GNAQ: variants seen among roughly 807,000 people sequenced by gnomAD.
GNAQ encodes guanine nucleotide-binding protein G(q) subunit alpha.
A neutral mutation model predicts 43.9 loss-of-function variants in GNAQ; 8 were observed. The ratio of observed to expected loss-of-function variants is 0.18; its 90% CI spans 0.11 to 0.33. The LOEUF (loss-of-function observed/expected upper bound fraction) is 0.33, where lower values mean the gene tolerates loss of function less well. Among genes scored for constraint, GNAQ ranks in the 10% least tolerant of loss-of-function variants. The pLI is 1.00. For missense variants in GNAQ, 158 were observed against 450.8 expected, an observed-to-expected ratio of 0.35 and a Z score of 5.88; for synonymous variants, 155 against 170.7, an observed-to-expected ratio of 0.91 and a Z score of 0.71.
chr9:77,739,720 T>C (rs1406975444), intron 5 of GNAQ, among the ~76,000 whole-genome samples: 1 of 152,094 alleles, frequency 6.6e-6, no homozygotes, highest in East Asian at 1.9e-4. Flanking sequence ...TGTAGGAGAG[T>C]TGTTCGCAGG....
intron 2 of GNAQ, among the ~76,000 whole-genome samples, chr9:77,882,246 G>C (rs1828224795): frequency 6.6e-6 from 1 of 152,158 alleles, no homozygotes; most frequent in Non-Finnish European, 1.5e-5. Flanking sequence ...TATATGAGTT[G>C]ATTTGAGGTT....
intron 1 of GNAQ, among the ~76,000 whole-genome samples, chr9:78,011,476 A>G (rs944954596): frequency 6.6e-6 from 1 of 152,260 alleles, no homozygotes; most frequent in African/African-American, 2.4e-5. Context: ...TCTAGAAAAC[A>G]GAAGAAAAAA....
chr9:77,860,171 C>A (rs1204040883), intron 2 of GNAQ, among the ~76,000 whole-genome samples: 1 of 152,164 alleles, frequency 6.6e-6, no homozygotes, highest in Non-Finnish European at 1.5e-5. Context: ...TGGCCCATGA[C>A]CACCTGGGCA....
At chr9:77,904,595 G>T (rs1828673221) in intron 2 of GNAQ, among the ~76,000 whole-genome samples, 1 of 152,018 alleles carries the variant, frequency 6.6e-6, no homozygotes, top group South Asian at 2.1e-4. Flanking sequence ...GCCTCCCAAA[G>T]TGCTGGGATT....
chr9:77,990,913 G>T (rs536791589), intron 1 of GNAQ, among the ~76,000 whole-genome samples: 25 of 152,222 alleles, frequency 1.6e-4, no homozygotes, highest in African/African-American at 5.3e-4. Flanking sequence ...ACTCTGTGTT[G>T]ACCTTATTTA....
chr9:78,030,674 G>C (rs1385671072), intron 1 of GNAQ: 1 of 411,542 alleles, frequency 2.4e-6, no homozygotes, highest in Non-Finnish European at 5.1e-6. Flanking sequence ...CCACACACAC[G>C]GCTCCCCACG....
intron 1 of GNAQ, among the ~76,000 whole-genome samples, chr9:77,956,561 T>C (rs1823043311): frequency 6.6e-6 from 1 of 152,166 alleles, no homozygotes; most frequent in African/African-American, 2.4e-5. Flanking sequence ...CCCTCTTGGA[T>C]TAGCACTGCC....
intron 2 of GNAQ, among the ~76,000 whole-genome samples, chr9:77,855,648 T>C (rs1009803867): frequency 6.6e-6 from 1 of 151,968 alleles, no homozygotes; most frequent in Non-Finnish European, 1.5e-5. Context: ...AGAAAACAAA[T>C]GCCATCACTC....
intron 3 of GNAQ, among the ~76,000 whole-genome samples, chr9:77,811,818 C>T (rs1826932471): frequency 6.6e-6 from 1 of 152,176 alleles, no homozygotes. Context: ...GCCAAAACAT[C>T]CCTGGAGGAG....
intron 1 of GNAQ, among the ~76,000 whole-genome samples, chr9:77,966,615 A>T (rs1160261663): frequency 6.6e-6 from 1 of 152,200 alleles, no homozygotes; most frequent in African/African-American, 2.4e-5. Context: ...CACCCAGGGG[A>T]AAGTAAATAG....
intron 1 of GNAQ, among the ~76,000 whole-genome samples, chr9:77,931,688 C>CCTA (rs1264538772): frequency 6.6e-6 from 1 of 152,154 alleles, no homozygotes; most frequent in Non-Finnish European, 1.5e-5. Flanking sequence ...TCTATTCCTA[C>CCTA]CTACATATTA....
At chr9:77,913,765 G>A (rs190144211) in intron 2 of GNAQ, among the ~76,000 whole-genome samples, 1 of 152,282 alleles carries the variant, frequency 6.6e-6, no homozygotes, top group African/African-American at 2.4e-5. Flanking sequence ...TTGACTGGAA[G>A]GGAGCATGAA....
chr9:77,772,237 A>AT (rs1453852881), intron 5 of GNAQ, among the ~76,000 whole-genome samples: 1 of 152,094 alleles, frequency 6.6e-6, no homozygotes, highest in Non-Finnish European at 1.5e-5. Context: ...ATCCTTTAAC[A>AT]TTTTCTATTC....
At chr9:77,829,179 C>T (rs1023372602) in intron 2 of GNAQ, among the ~76,000 whole-genome samples, 1 of 152,148 alleles carries the variant, frequency 6.6e-6, no homozygotes, top group Admixed American at 6.5e-5. Flanking sequence ...AATACTAACC[C>T]AACATATAAG....
At chr9:77,937,834 G>C (rs572725634) in intron 1 of GNAQ, among the ~76,000 whole-genome samples, 1 of 152,216 alleles carries the variant, frequency 6.6e-6, no homozygotes, top group Non-Finnish European at 1.5e-5. Flanking sequence ...GGAGGTTGCG[G>C]TGAGCTGAGA....
chr9:77,895,525 G>A (rs1828485791), intron 2 of GNAQ, among the ~76,000 whole-genome samples: 1 of 152,168 alleles, frequency 6.6e-6, no homozygotes, highest in Non-Finnish European at 1.5e-5. Context: ...ACTCTAGAGA[G>A]AACCTTCTCT....
At chr9:77,900,881 A>G (rs967617722) in intron 2 of GNAQ, among the ~76,000 whole-genome samples, 3 of 152,134 alleles carry the variant, frequency 2.0e-5, no homozygotes, top group Admixed American at 1.3e-4. Context: ...AACAGTTTCA[A>G]AGCAATGAGT....
chr9:77,889,465 A>T (rs1828367046), intron 2 of GNAQ, among the ~76,000 whole-genome samples: 1 of 141,444 alleles, frequency 7.1e-6, no homozygotes, highest in Non-Finnish European at 1.5e-5. Flanking sequence ...ATCCTGTTTA[A>T]TGTCTCATTA....
At chr9:77,965,497 A>G (rs1043406902) in intron 1 of GNAQ, among the ~76,000 whole-genome samples, 1 of 152,180 alleles carries the variant, frequency 6.6e-6, no homozygotes, top group African/African-American at 2.4e-5. Flanking sequence ...ATATTAATAC[A>G]CAAAAAAAAT....
Sources: gnomAD v4.1 joint callset for allele counts (sites outside exome capture counted in the v4.1 genomes callset) on GRCh38, gnomAD v4.1.1 for gene constraint, MANE v1.5 for transcripts, NCBI Gene and HGNC (gene_info 2026-07-23, HGNC 2026-07-21) for gene names.